Variants in GRB2 observed in about 807,000 individuals in gnomAD.
GRB2 encodes the protein growth factor receptor-bound protein 2.
In GRB2, 2 loss-of-function variants were observed where a neutral mutation model predicts 27.4. That is an observed-to-expected ratio of 0.07 (90% CI 0.03 to 0.23). GRB2 has a LOEUF of 0.23. GRB2 is among the 10% of genes least tolerant of loss of function. The pLI is 1.00. For missense variants in GRB2, 102 were observed against 282.4 expected, an observed-to-expected ratio of 0.36 and a Z score of 4.58; for synonymous variants, 94 against 99.6, an observed-to-expected ratio of 0.94 and a Z score of 0.33.
chr17:75,391,580 G>C (rs1457739957), intron 2 of GRB2, among the ~76,000 whole-genome samples: 1 of 152,112 alleles, frequency 6.6e-6, no homozygotes, highest in Non-Finnish European at 1.5e-5. Flanking sequence ...AGGCCGAGGT[G>C]GGCAGATCAC....
At chr17:75,354,657 G>A (rs898467042) in intron 2 of GRB2, among the ~76,000 whole-genome samples, 5 of 152,144 alleles carry the variant, frequency 3.3e-5, no homozygotes, top group Non-Finnish European at 5.9e-5. Context: ...CAAAAAGGTT[G>A]GGGACTGCTG....
intron 2 of GRB2, among the ~76,000 whole-genome samples, chr17:75,376,634 T>C (rs1483842073): frequency 6.6e-6 from 1 of 152,180 alleles, no homozygotes; most frequent in Non-Finnish European, 1.5e-5. Context: ...TTACATATTG[T>C]ACCATCCAAT....
intron 1 of GRB2, 199 bp from the exon 2 acceptor site, chr17:75,393,964 C>T: frequency 4.9e-6 from 2 of 406,540 alleles, no homozygotes. Context: ...GACAGGCCTG[C>T]CGGCCAATGG....
intron 2 of GRB2, among the ~76,000 whole-genome samples, chr17:75,369,411 T>G (rs539812036): frequency 4.6e-5 from 7 of 152,182 alleles, no homozygotes; most frequent in African/African-American, 1.7e-4. Flanking sequence ...ATATGAAAAT[T>G]TAAGAAGGCA....
chr17:75,357,436 G>A (rs564217595), intron 2 of GRB2, among the ~76,000 whole-genome samples: 28 of 152,304 alleles, frequency 1.8e-4, no homozygotes, highest in South Asian at 1.0e-3. Context: ...GTTAGTAATA[G>A]GTGAAAGTGA....
chr17:75,330,707 C>CAA (rs61093959), intron 3 of GRB2, among the ~76,000 whole-genome samples: 667 of 135,558 alleles, frequency 4.9e-3, no homozygotes, highest in African/African-American at 0.017. Context: ...AAACAAAAAA[C>CAA]AAAAAAAAAA....
At chr17:75,346,374 T>C (rs905649479) in intron 2 of GRB2, among the ~76,000 whole-genome samples, 5 of 151,692 alleles carry the variant, frequency 3.3e-5, no homozygotes, top group Non-Finnish European at 5.9e-5. Context: ...CGGGCGCCTG[T>C]AGTCCCAGCT....
chr17:75,392,625 T>G (rs2079005412), intron 2 of GRB2, among the ~76,000 whole-genome samples: 1 of 152,102 alleles, frequency 6.6e-6, no homozygotes, highest in Admixed American at 6.5e-5. Context: ...CAACAATCAG[T>G]CTAAGGCTCA....
chr17:75,357,920 C>CA (rs904209552), intron 2 of GRB2, among the ~76,000 whole-genome samples: 23 of 148,244 alleles, frequency 1.6e-4, no homozygotes, highest in Admixed American at 3.4e-4. Flanking sequence ...GACTTTGTCT[C>CA]AAAAAAAACA....
Position 75,320,703 on chromosome 17 carries a change from T to C in GRB2, c.469-150A>G. 6.5e-6 allele frequency: 4 copies of C among 619,740 alleles called. No individual in the cohort carries two copies. Among genetic ancestry groups the C allele is most frequent in the East Asian group, 2.8e-5 (1 of 36,244 alleles). 38.4% of individuals were successfully genotyped at this position (619,740 alleles called of 1,614,324 possible). On this transcript the variant is annotated intron_variant, in intron 5 of 5. Transcript: ENST00000316804. This position sits in a 1 kb window ranked among gnomAD's most constrained non-coding sequence, Gnocchi z 4.3. ...CTCCCATCTCCCAACCCCCCGTTTA[T>C]TCTTACCTATTCTAAGTTTACAGGC... is the stretch of plus-strand genomic sequence containing the variant.
At chr17:75,354,266 G>GC (rs2078714818) in intron 2 of GRB2, among the ~76,000 whole-genome samples, 1 of 99,118 alleles carries the variant, frequency 1.0e-5, no homozygotes, top group African/African-American at 3.1e-5. Flanking sequence ...TTTTTTTTTG[G>GC]GGGGGGGGGG....
chr17:75,357,370 TA>T (rs1356265493), intron 2 of GRB2, among the ~76,000 whole-genome samples: 3 of 152,214 alleles, frequency 2.0e-5, no homozygotes, highest in African/African-American at 7.2e-5. Context: ...GTATGAACTT[TA>T]GTTAATAATA....
intron 2 of GRB2, among the ~76,000 whole-genome samples, chr17:75,352,173 G>T (rs898549602): frequency 6.6e-6 from 1 of 152,156 alleles, no homozygotes; most frequent in East Asian, 1.9e-4. Flanking sequence ...AGCTCAGGAG[G>T]AGCAGGTTCA....
intron 2 of GRB2, among the ~76,000 whole-genome samples, chr17:75,343,822 G>A (rs4624215): frequency 0.6 from 90,629 of 152,084 alleles, 32,358 homozygotes; most frequent in East Asian, 0.87. Context: ...AACTGCACGA[G>A]CAGGGAGAAG....
chr17:75,335,372 TTC>T (rs2078570121), intron 2 of GRB2, among the ~76,000 whole-genome samples: 1 of 152,136 alleles, frequency 6.6e-6, no homozygotes, highest in African/African-American at 2.4e-5. Flanking sequence ...ACTGGTAACA[TTC>T]TTTACAAAAT....
At chr17:75,333,239 C>G (rs1485886721) in intron 2 of GRB2, among the ~76,000 whole-genome samples, 1 of 152,126 alleles carries the variant, frequency 6.6e-6, no homozygotes, top group Non-Finnish European at 1.5e-5. Flanking sequence ...CGTTGCCCAG[C>G]TAATTTTTGT....
chr17:75,373,963 T>A (rs1403033143), intron 2 of GRB2, among the ~76,000 whole-genome samples: 1 of 151,888 alleles, frequency 6.6e-6, no homozygotes, highest in South Asian at 2.1e-4. Flanking sequence ...CCGGCTAATT[T>A]TTTTTGCATT....
chr17:75,357,177 G>A (rs2078739002), intron 2 of GRB2, among the ~76,000 whole-genome samples: 1 of 152,190 alleles, frequency 6.6e-6, no homozygotes, highest in Non-Finnish European at 1.5e-5. Flanking sequence ...ATGTAAGGCA[G>A]AAATGTTTGA....
At chr17:75,377,022 G>A (rs1432552501) in intron 2 of GRB2, among the ~76,000 whole-genome samples, 1 of 151,216 alleles carries the variant, frequency 6.6e-6, no homozygotes, top group African/African-American at 2.4e-5. Context: ...AAAACATAAA[G>A]ACAGACCTTC....
Sources: allele counts gnomAD v4.1 joint callset (sites outside exome capture counted in the v4.1 genomes callset), GRCh38; gene constraint gnomAD v4.1.1; non-coding constraint Gnocchi (gnomAD v3.1); transcripts MANE v1.5; gene names NCBI Gene and HGNC (gene_info 2026-07-23, HGNC 2026-07-21).